The following FARS2 variants were observed in gnomAD, a reference collection of about 807,000 sequenced individuals.
FARS2 encodes phenylalanyl-tRNA synthetase 2, mitochondrial, also known as phenylalanine--tRNA ligase, mitochondrial.
Under a neutral mutation model 46.4 loss-of-function variants are expected in FARS2, and 40 were observed. The ratio of observed to expected loss-of-function variants is 0.86; its 90% CI spans 0.67 to 1.12. The LOEUF (loss-of-function observed/expected upper bound fraction) is 1.12, where lower values mean the gene tolerates loss of function less well. Ranked by LOEUF, FARS2 falls within the 50% of genes most tolerant of loss-of-function variation. The probability of loss-of-function intolerance (pLI) is 0.00; values close to 1 mark genes in which losing one functional copy is unlikely to be tolerated. For synonymous variants in FARS2, 234 were observed against 214.9 expected (o/e 1.09, Z -0.78); for missense variants, 513 against 567.9 (o/e 0.90, Z 0.98).
intron 4 of FARS2, among the ~76,000 whole-genome samples, chr6:5,480,299 C>T (rs1408637399): frequency 2.6e-5 from 4 of 152,108 alleles, no homozygotes; most frequent in African/African-American, 9.7e-5. Context: ...TGCACAACTC[C>T]AGAGTGGAAA....
chr6:5,669,970 A>G (rs996191778), intron 6 of FARS2, among the ~76,000 whole-genome samples: 1 of 152,210 alleles, frequency 6.6e-6, no homozygotes, highest in African/African-American at 2.4e-5. Flanking sequence ...GGAGTCTGAC[A>G]TGAGAAAAGT....
intron 5 of FARS2, among the ~76,000 whole-genome samples, chr6:5,574,129 CTTTTTGTTTT>C (rs1772820507): frequency 6.6e-6 from 1 of 152,042 alleles, no homozygotes; most frequent in Non-Finnish European, 1.5e-5. Context: ...CTAGGAGAGT[CTTTTTGTTTT>C]GTTTTGTTTT....
chr6:5,623,574 T>C (rs1369617321), intron 6 of FARS2, among the ~76,000 whole-genome samples: 4 of 151,964 alleles, frequency 2.6e-5, no homozygotes, highest in Non-Finnish European at 4.4e-5. Flanking sequence ...TAGCCAGACG[T>C]GGTGGCACGC....
chr6:5,631,534 T>A (rs1463058763), intron 6 of FARS2, among the ~76,000 whole-genome samples: 1 of 152,236 alleles, frequency 6.6e-6, no homozygotes, highest in African/African-American at 2.4e-5. Flanking sequence ...AAATGTCTCT[T>A]AGAGAATGTA....
intron 3 of FARS2, among the ~76,000 whole-genome samples, chr6:5,423,234 C>G (rs755308670): frequency 2.6e-5 from 4 of 151,924 alleles, no homozygotes; most frequent in Non-Finnish European, 5.9e-5. Flanking sequence ...TGCCTGAGGC[C>G]GGGATGCTAT....
intron 6 of FARS2, among the ~76,000 whole-genome samples, chr6:5,687,418 G>T (rs986985695): frequency 6.6e-6 from 1 of 152,102 alleles, no homozygotes; most frequent in African/African-American, 2.4e-5. Context: ...TCTACATATG[G>T]CTAGCCAGTT....
intron 5 of FARS2, chr6:5,609,446 A>T (rs1775047333): frequency 3.3e-6 from 4 of 1,217,188 alleles, no homozygotes; most frequent in Middle Eastern, 2.7e-4. Context: ...TTCCATCATT[A>T]CCAAATCCAT....
intron 4 of FARS2, among the ~76,000 whole-genome samples, chr6:5,537,602 CGAG>C (rs1770299392): frequency 1.3e-5 from 2 of 151,520 alleles, no homozygotes; most frequent in Non-Finnish European, 3.0e-5. Flanking sequence ...GGCTTCCTCT[CGAG>C]TTGGAGATGT....
At chr6:5,377,806 T>G (rs1759480133) in intron 2 of FARS2, among the ~76,000 whole-genome samples, 1 of 152,186 alleles carries the variant, frequency 6.6e-6, no homozygotes, top group Non-Finnish European at 1.5e-5. Context: ...TAAAATGCAA[T>G]TTCTCTTATG....
rs552538194 is a variant in FARS2, at chr6:5,341,257, T to TTTTTTTTTTC, written c.-21-27293_-21-27292insTTTTTTTTTC. Among the ~76,000 whole-genome samples, 24 of 56,684 alleles carry TTTTTTTTTTC rather than the reference T, an allele frequency of 4.2e-4. 6 individuals carry two copies. The highest frequency in any genetic ancestry group is 6.7e-4 in the Non-Finnish European group (20 of 29,996). The allele number at this position is 56,684 out of a possible 152,430, so 37.2% of individuals were successfully genotyped here. A position where few individuals can be genotyped will look rare whatever the true frequency, so the allele number is the denominator to read the frequency against. ...TATATTTTTTTTTTTTTTTTTTTTT[T>TTTTTTTTTTC]CCCTGTGAGAGCAGTTGTTTTGAGA... On this transcript the variant is annotated intron_variant, in intron 1 of 6. Transcript: ENST00000274680.
At position 5,727,862 on chromosome 6, in the gene FARS2, T is replaced by C. The variant is rs1760366455; in HGVS notation, c.1218-43429T>C. 6.6e-6 allele frequency among the ~76,000 whole-genome samples: 1 copy of C among 152,228 alleles called. No homozygotes were observed. The highest frequency in any genetic ancestry group is 2.4e-5 in the African/African-American group (1 of 41,458). On this transcript the variant is annotated intron_variant, in intron 6 of 6. Coordinates refer to ENST00000274680, the MANE Select transcript of FARS2 (RefSeq NM_006567.5). The surrounding 1 kb of genome is among the most constrained non-coding windows in gnomAD (Gnocchi z 4.1). ...CGAGGGATACCAACAGACTGATTTC[T>C]AAATGAGCTTCCTGCCTCAAGGCAA...
At chr6:5,609,038 G>A (rs1459290357) in intron 5 of FARS2, among the ~76,000 whole-genome samples, 1 of 152,022 alleles carries the variant, frequency 6.6e-6, no homozygotes, top group Non-Finnish European at 1.5e-5. Context: ...ATAACCTGTT[G>A]TACAGTTAGT....
rs1769109776 is a variant in FARS2, at chr6:5,311,989, G to A, written c.-22+50329G>A. Among the ~76,000 whole-genome samples the A allele has an allele frequency of 1.3e-5, 2 of 152,182 alleles. No individual in the cohort carries two copies. On this transcript the variant is annotated intron_variant, in intron 1 of 6. Transcript: ENST00000274680. This position sits in a 1 kb window ranked among gnomAD's most constrained non-coding sequence, Gnocchi z 4.1. ...CCGTGCATCGTAGAATCTTCGGTGT[G>A]TTGAAGGGTTTTATGTAATACAAAC...
intron 1 of FARS2, among the ~76,000 whole-genome samples, chr6:5,320,191 G>A (rs1295177480): frequency 2.0e-5 from 3 of 152,198 alleles, no homozygotes; most frequent in Non-Finnish European, 4.4e-5. Context: ...GAGAAACTGT[G>A]CATACCTTGG....
chr6:5,303,412 G>C (rs1395131328), intron 1 of FARS2, among the ~76,000 whole-genome samples: 2 of 152,114 alleles, frequency 1.3e-5, no homozygotes, highest in Non-Finnish European at 2.9e-5. Context: ...GCTGCACGTG[G>C]GGCTAAATGG....
chr6:5,592,017 G>C (rs2150605761), intron 5 of FARS2, among the ~76,000 whole-genome samples: 1 of 152,270 alleles, frequency 6.6e-6, no homozygotes, highest in Non-Finnish European at 1.5e-5. Flanking sequence ...TGGGTCGATT[G>C]ATGCCAAAGT....
At chr6:5,741,214 A>T (rs1485108349) in intron 6 of FARS2, among the ~76,000 whole-genome samples, 2 of 152,180 alleles carry the variant, frequency 1.3e-5, no homozygotes, top group African/African-American at 4.8e-5. Context: ...TACTAGTAAG[A>T]TTCACATTTT....
At chr6:5,560,179 G>A (rs1186946775) in intron 5 of FARS2, among the ~76,000 whole-genome samples, 2 of 152,140 alleles carry the variant, frequency 1.3e-5, no homozygotes, top group African/African-American at 2.4e-5. Context: ...TTTGAAATGA[G>A]TGTTTACTTA....
At chr6:5,506,029 G>A (rs1220555558) in intron 4 of FARS2, among the ~76,000 whole-genome samples, 1 of 152,170 alleles carries the variant, frequency 6.6e-6, no homozygotes, top group Non-Finnish European at 1.5e-5. Context: ...TTTCTCCTCA[G>A]CTGATGGAAT....
Sources: allele counts gnomAD v4.1 joint callset (sites outside exome capture counted in the v4.1 genomes callset), GRCh38; gene constraint gnomAD v4.1.1; non-coding constraint Gnocchi (gnomAD v3.1); transcripts MANE v1.5; gene names NCBI Gene and HGNC (gene_info 2026-07-23, HGNC 2026-07-21).